Variants in LPCAT1 observed in about 807,000 individuals in gnomAD.
LPCAT1 encodes lysophosphatidylcholine acyltransferase 1.
LPCAT1 carries 23 observed loss-of-function variants against 60.9 expected under a neutral mutation model. The observed-to-expected ratio is 0.38, with a 90% CI of 0.27 to 0.53. The LOEUF is 0.53. Among genes scored for constraint, LPCAT1 ranks in the 20% least tolerant of loss-of-function variants. The pLI is 0.82. For synonymous variants in LPCAT1, 340 were observed against 301.1 expected, an observed-to-expected ratio of 1.13 and a Z score of -1.34; for missense variants, 622 against 723.6, an observed-to-expected ratio of 0.86 and a Z score of 1.61.
chr5:1,466,868 C>T lies in LPCAT1; in HGVS notation c.1301G>A (p.Gly434Asp), dbSNP rs143106036. Residue 434 changes from glycine to aspartate, a missense_variant, in exon 13 of 14, where the codon GGC (glycine) becomes GAC (aspartate). This residue lies in a region of LPCAT1 where 288 missense variants were observed against 283.6 expected (regional missense o/e 1.02). Transcript: ENST00000283415. Reference sequence around the variant, plus strand: ...GGACAGGTCACCTTCGCCGACGCTGCCGTCCTCTTGCGCTCCGTACATCTG... The same window carrying T: ...GGACAGGTCACCTTCGCCGACGCTGTCGTCCTCTTGCGCTCCGTACATCTG... ...AFKMYGAQED[G>D]SVGEGDLSCI... The T allele has an allele frequency of 7.3e-5, 118 of 1,607,744 alleles. No individual in the cohort carries two copies. In the African/African-American group the frequency reaches 1.4e-3, roughly 19 times the overall value.
At chr5:1,509,358 G>A (rs1736284878) in intron 1 of LPCAT1, among the ~76,000 whole-genome samples, 1 of 152,284 alleles carries the variant, frequency 6.6e-6, no homozygotes, top group Non-Finnish European at 1.5e-5. Flanking sequence ...ATGCGACAGT[G>A]CGCTTGCAAA....
intron 3 of LPCAT1, among the ~76,000 whole-genome samples, chr5:1,492,905 C>G (rs1383167142): frequency 6.6e-6 from 1 of 152,262 alleles, no homozygotes; most frequent in East Asian, 1.9e-4. Context: ...GGGCACACAG[C>G]TCCACAATCC....
chr5:1,470,953 C>T (rs1734646610), intron 11 of LPCAT1, 29 bp from the exon 12 acceptor site: 1 of 1,599,198 alleles, frequency 6.3e-7, no homozygotes, highest in Non-Finnish European at 8.5e-7. Flanking sequence ...TCAGCCACAG[C>T]TCGGCCGCCT....
At position 1,496,408 on chromosome 5, in the gene LPCAT1, T is replaced by A. The variant is rs547499873; in HGVS notation, c.279-1494A>T. Among the ~76,000 whole-genome samples, 2 of 146,810 alleles carry A rather than the reference T, an allele frequency of 1.4e-5. No homozygotes were observed. Among genetic ancestry groups the A allele is most frequent in the Admixed American group, 6.7e-5 (1 of 14,942 alleles). On this transcript the variant is annotated intron_variant, in intron 2 of 13. Transcript: ENST00000283415. The surrounding 1 kb of genome is among the most constrained non-coding windows in gnomAD (Gnocchi z 4.7). The stretch of plus-strand genomic sequence containing the variant: ...AAGATGTACTCTTCTGTGCACATGT[T>A]ATTTTCCACAAAAAAAAAAAAAAAG...
At chr5:1,501,655 G>C (rs1440041484) in intron 1 of LPCAT1, 52 bp from the exon 2 acceptor site, 18 of 1,590,998 alleles carry the variant, frequency 1.1e-5, no homozygotes, top group Non-Finnish European at 1.6e-5. Flanking sequence ...ACACCAGGCA[G>C]CTCCCCACCC....
rs765348552 is a variant in LPCAT1 at position 1,470,916 on chromosome 5, G to A, written c.1188C>T (p.Ser396=). Residue 396 remains serine (S), a synonymous_variant, in exon 12 of 14, where the codon AGC becomes AGT. Coordinates refer to ENST00000283415, the MANE Select transcript of LPCAT1 (RefSeq NM_024830.5). ...CACACTCTCGCAGGTCCACCTCGCC[G>A]CTGCCGCTCTGTGGGGAGAGACGCT... ...DMFSLFDESG[S]GEVDLRECVV... The A allele has an allele frequency of 3.7e-6, 6 of 1,612,674 alleles. No individual in the cohort carries two copies. Among genetic ancestry groups the A allele is most frequent in the African/African-American group, 1.3e-5 (1 of 75,014 alleles).
intron 13 of LPCAT1, among the ~76,000 whole-genome samples, 182 bp from the exon 14 acceptor site, chr5:1,464,017 C>T (rs1018522450): frequency 3.9e-5 from 6 of 152,204 alleles, no homozygotes; most frequent in Non-Finnish European, 7.3e-5. Context: ...TTCTTTGCAG[C>T]GCACGAAGTC....
Position 1,484,867 on chromosome 5 carries a change from A to G in LPCAT1, c.668-1381T>C, listed in dbSNP as rs573994635. On this transcript the variant is annotated intron_variant, in intron 5 of 13. Coordinates refer to ENST00000283415, the MANE Select transcript of LPCAT1 (RefSeq NM_024830.5). ...CCCTTCCTGCTGTGGGCTCAGCAGC[A>G]CCTGGGAGCAAGCTCATGCAGTTCA... Among the ~76,000 whole-genome samples, 4 of 152,202 alleles carry G rather than the reference A, an allele frequency of 2.6e-5. No homozygotes were observed. In the East Asian group the frequency reaches 5.8e-4, roughly 22 times the overall value.
chr5:1,465,255 AAC>A (rs796916790), intron 13 of LPCAT1, among the ~76,000 whole-genome samples: 3 of 143,938 alleles, frequency 2.1e-5, no homozygotes, highest in African/African-American at 5.2e-5. Context: ...ACAGCAACTA[AAC>A]ACACATGCCC....
intron 13 of LPCAT1, among the ~76,000 whole-genome samples, chr5:1,465,494 GCA>G (rs924453401): frequency 2.1e-5 from 3 of 145,042 alleles, no homozygotes; most frequent in South Asian, 2.2e-4. Flanking sequence ...AAGCGCATGC[GCA>G]CACAGTAAAC....
intron 1 of LPCAT1, among the ~76,000 whole-genome samples, chr5:1,509,623 G>C (rs1457376771): frequency 6.6e-6 from 1 of 152,170 alleles, no homozygotes; most frequent in African/African-American, 2.4e-5. Flanking sequence ...AGCACCCACA[G>C]ACACAAACCG....
At chr5:1,466,317 G>T (rs545677377) in intron 13 of LPCAT1, among the ~76,000 whole-genome samples, 1 of 152,076 alleles carries the variant, frequency 6.6e-6, no homozygotes, top group Non-Finnish European at 1.5e-5. Context: ...TGGGCGGCAC[G>T]GGGGTCTGCA....
chr5:1,488,329 A>C (rs1579783556), intron 5 of LPCAT1, 62 bp downstream of exon 5: 1 of 1,070,160 alleles, frequency 9.3e-7, no homozygotes, highest in Non-Finnish European at 1.4e-6. Flanking sequence ...TTATTAAAAA[A>C]CATCTCTTTA....
chr5:1,517,160 C>T (rs530574491), intron 1 of LPCAT1, among the ~76,000 whole-genome samples: 5 of 152,258 alleles, frequency 3.3e-5, no homozygotes, highest in South Asian at 2.1e-4. Context: ...AAACAGTAAC[C>T]GGGAATGGTA....
intron 1 of LPCAT1, among the ~76,000 whole-genome samples, chr5:1,512,892 C>G (rs1282572758): frequency 6.6e-6 from 1 of 152,258 alleles, no homozygotes; most frequent in Non-Finnish European, 1.5e-5. Context: ...GCAGGCAGAA[C>G]GAGACCGACG....
chr5:1,464,807 GCACA>G (rs978061027), intron 13 of LPCAT1, among the ~76,000 whole-genome samples: 3 of 144,568 alleles, frequency 2.1e-5, no homozygotes, highest in Non-Finnish European at 4.5e-5. Context: ...CACAAAACAA[GCACA>G]CACACGGTAA....
chr5:1,464,711 GCA>G (rs1734261868), intron 13 of LPCAT1, among the ~76,000 whole-genome samples: 2 of 125,192 alleles, frequency 1.6e-5, no homozygotes, highest in African/African-American at 6.7e-5. Context: ...CACACAAAGA[GCA>G]CACACGGTAA....
rs745579397 is a variant in LPCAT1, at chr5:1,474,030, A to C, written c.1106T>G (p.Ile369Ser). The change falls in exon 11 of 14, where the codon ATT becomes AGT. Residue 369 changes from isoleucine (I) to serine (S), a missense_variant. Ile to Ser is a moderately radical substitution (Grantham distance 142). Transcript: ENST00000283415. ...ARMKGGEKIGIAEFAASLEVP... is the reference protein window; with the variant it reads ...ARMKGGEKIGSAEFAASLEVP... ...TTCCAGGGAGGCGGCAAACTCCGCA[A>C]TACCTATCTTCTCTCCTCCCTTCAT... is the stretch of plus-strand genomic sequence containing the variant. 3.7e-6 allele frequency: 6 copies of C among 1,614,194 alleles called. No homozygotes were observed. Among genetic ancestry groups the C allele is most frequent in the Non-Finnish European group, 5.1e-6 (6 of 1,180,036 alleles).
intron 13 of LPCAT1, among the ~76,000 whole-genome samples, chr5:1,466,212 C>G (rs555000874): frequency 2.6e-5 from 4 of 152,220 alleles, no homozygotes; most frequent in African/African-American, 9.6e-5. Flanking sequence ...TATCAACCGC[C>G]ATTACCGACA....
Sources: gnomAD v4.1 joint callset for allele counts (sites outside exome capture counted in the v4.1 genomes callset) on GRCh38, gnomAD v4.1.1 for gene constraint, gnomAD v4.1.1 regional missense constraint, Gnocchi (gnomAD v3.1) non-coding constraint, MANE v1.5 for transcripts, NCBI Gene and HGNC (gene_info 2026-07-23, HGNC 2026-07-21) for gene names.